HELZ2: variants seen among roughly 807,000 people sequenced by gnomAD.
The protein encoded by HELZ2 is helicase with zinc finger 2.
In HELZ2, 143 loss-of-function variants were observed where a neutral mutation model predicts 208.8. That is an observed-to-expected ratio of 0.68 (90% CI 0.60 to 0.79). The LOEUF is 0.79. Ranked by LOEUF, HELZ2 falls within the 30% of genes least tolerant of loss-of-function variation. The pLI is 0.00. For synonymous variants in HELZ2, 1,705 were observed against 1,693.7 expected (o/e 1.01, Z -0.16); for missense variants, 3,690 against 3,794.5 (o/e 0.97, Z 0.72).
At chr20:63,564,149 G>T in exon 8 of HELZ2, 1 of 1,611,768 alleles carries the variant, frequency 6.2e-7, no homozygotes. Flanking sequence ...CTGGCTGCGG[G>T]GTGCTGGCTG....
At chr20:63,559,097 C>G, downstream of HELZ2, 2 of 884,372 alleles carry the variant, frequency 2.3e-6, no homozygotes, top group Non-Finnish European at 3.4e-6. Flanking sequence ...CGTTCCTCCT[C>G]CAAGTCCACC....
exon 8 of HELZ2, chr20:63,565,543 C>G: frequency 6.2e-7 from 1 of 1,606,620 alleles, no homozygotes; most frequent in Non-Finnish European, 8.5e-7. Flanking sequence ...TGTCCAGCAG[C>G]CCGTCCTCCC....
exon 8 of HELZ2, chr20:63,565,100 C>T (rs1369422805): frequency 4.5e-6 from 7 of 1,565,828 alleles, no homozygotes; most frequent in Non-Finnish European, 6.1e-6. Context: ...CTTCCGGAGG[C>T]TGTAGATGGG....
chr20:63,568,601 G>A, exon 5 of HELZ2: 1 of 1,597,784 alleles, frequency 6.3e-7, no homozygotes, highest in Non-Finnish European at 8.5e-7. Context: ...GGGCAAGTCG[G>A]GCACCACCAG....
intron 3 of HELZ2, 46 bp from the exon 5 acceptor site, chr20:63,569,711 A>G: frequency 2.1e-6 from 3 of 1,457,188 alleles, no homozygotes; most frequent in South Asian, 1.4e-5. Flanking sequence ...GCTCCCCCCA[A>G]CCCTCCCGAG....
At chr20:63,562,315 G>C (rs760472367) in exon 9 of HELZ2, 1 of 1,598,742 alleles carries the variant, frequency 6.3e-7, no homozygotes, top group South Asian at 1.1e-5. Context: ...GGGACAGGCC[G>C]GCCCAGTGCG....
downstream of HELZ2, chr20:63,559,061 G>T: frequency 1.6e-6 from 1 of 631,388 alleles, no homozygotes; most frequent in Non-Finnish European, 2.6e-6. Flanking sequence ...CCCAGGAGGA[G>T]CAAGAGTGTG....
chr20:63,559,138 A>G (rs1355773319), downstream of HELZ2: 2 of 1,212,370 alleles, frequency 1.6e-6, no homozygotes, highest in South Asian at 1.6e-5. Flanking sequence ...TCCTGAGGCC[A>G]GGAGGCAGGC....
exon 8 of HELZ2, chr20:63,563,935 T>C: frequency 6.3e-7 from 1 of 1,593,722 alleles, no homozygotes; most frequent in Non-Finnish European, 8.6e-7. Flanking sequence ...GAGCCAGGAA[T>C]GGGTGCATGT....
chr20:63,567,711 G>C, intron 5 of HELZ2, 84 bp from the exon 7 acceptor site: 1 of 1,500,300 alleles, frequency 6.7e-7, no homozygotes, highest in Non-Finnish European at 8.9e-7. Flanking sequence ...GCCCAGCCGA[G>C]CTGCCCCTGA....
At chr20:63,567,394 C>A in exon 6 of HELZ2, 2 of 1,587,304 alleles carry the variant, frequency 1.3e-6, no homozygotes, top group Non-Finnish European at 8.6e-7. Context: ...GACCGGCACC[C>A]TGAGCTCACG....
chr20:63,563,994 C>T (rs1446188407), exon 8 of HELZ2: 2 of 1,602,992 alleles, frequency 1.2e-6, no homozygotes, highest in Non-Finnish European at 8.5e-7. Context: ...TGGGTGCGGG[C>T]AGCAAACTGG....
At chr20:63,565,968 C>G in exon 8 of HELZ2, 1 of 1,599,178 alleles carries the variant, frequency 6.3e-7, no homozygotes, top group South Asian at 1.1e-5. Context: ...ACACCCTGCT[C>G]GACCTGCTCC....
chr20:63,562,643 T>A, exon 8 of HELZ2: 1 of 1,594,728 alleles, frequency 6.3e-7, no homozygotes, highest in Non-Finnish European at 8.5e-7. Context: ...GGGAGCCTCC[T>A]GCCGGTCTGC....
chr20:63,566,829 G>A lies in HELZ2; in HGVS notation c.2514+15C>T. 6.3e-7 allele frequency: 1 copy of A among 1,579,240 alleles called. No homozygotes were observed. Among genetic ancestry groups the A allele is most frequent in the Non-Finnish European group, 8.6e-7 (1 of 1,166,834 alleles). ...GGGGTGCGGTCGGGGGCTGTCCCGG[G>A]CTGGCCGGGCTCACCTGGGCACCGT... On this transcript the variant is annotated intron_variant, in intron 6 of 18. Coordinates refer to ENST00000467148, the Ensembl canonical transcript of HELZ2.
chr20:63,559,835 C>A (rs550379485), intron 18 of HELZ2, 93 bp downstream of exon 19: 37 of 1,365,574 alleles, frequency 2.7e-5, no homozygotes, highest in Admixed American at 2.6e-4. Context: ...AGGGTCAGGT[C>A]GGAGTCAGGG....
exon 1 of HELZ2, chr20:63,572,258 G>C: frequency 6.3e-7 from 1 of 1,586,402 alleles, no homozygotes; most frequent in South Asian, 1.1e-5. Flanking sequence ...CAAGCAGGCC[G>C]GGCAGTACAG....
exon 8 of HELZ2, chr20:63,565,239 G>A: frequency 6.2e-7 from 1 of 1,607,194 alleles, no homozygotes; most frequent in Non-Finnish European, 8.5e-7. Flanking sequence ...TTCCTCTTCA[G>A]CACGCCCAGC....
chr20:63,572,215 G>A (rs1242847130), exon 1 of HELZ2: 1 of 1,603,630 alleles, frequency 6.2e-7, no homozygotes, highest in Non-Finnish European at 8.5e-7. Context: ...ATGCGCAGTG[G>A]TTCTCGAAGG....
Sources: gnomAD v4.1 joint callset for allele counts on GRCh38, gnomAD v4.1.1 for gene constraint, MANE v1.5 for transcripts, NCBI Gene and HGNC (gene_info 2026-07-23, HGNC 2026-07-21) for gene names.